Variants in PPFIA1 observed in about 807,000 individuals in gnomAD.
PPFIA1 encodes PPFI scaffold protein A1.
In PPFIA1, 25 loss-of-function variants were observed where a neutral mutation model predicts 149.9. That is an observed-to-expected ratio of 0.17 (90% CI 0.12 to 0.23). The LOEUF (loss-of-function observed/expected upper bound fraction) is 0.23, where lower values mean the gene tolerates loss of function less well. PPFIA1 is among the 10% of genes least tolerant of loss of function. The probability of loss-of-function intolerance (pLI) is 1.00; values close to 1 mark genes in which losing one functional copy is unlikely to be tolerated. For missense variants in PPFIA1, 1,362 were observed against 1,506.5 expected (o/e 0.90, Z 1.59); for synonymous variants, 549 against 552.8 (o/e 0.99, Z 0.10).
chr11:70,372,377 G>T lies in PPFIA1; in HGVS notation c.3028G>T (p.Asp1010Tyr). 1.2e-6 allele frequency: 2 copies of T among 1,614,136 alleles called. No homozygotes were observed. Among genetic ancestry groups the T allele is most frequent in the African/African-American group, 1.3e-5 (1 of 75,034 alleles). Residue 1010 changes from aspartate (D) to tyrosine (Y), a missense_variant, in exon 22 of 28, where the codon GAC becomes TAC. Coordinates refer to ENST00000253925, the MANE Select transcript of PPFIA1 (RefSeq NM_003626.5). ...KDLRGQLKMV[D>Y]SFHRNSFQCG... ...CCTTCGAGGGCAGCTGAAAATGGTC[G>T]ACAGTTTTCACAGGTAACTTAATGG...
intron 26 of PPFIA1, chr11:70,381,240 G>A (rs529662502): frequency 6.6e-6 from 1 of 152,224 alleles, no homozygotes; most frequent in Non-Finnish European, 1.5e-5. Context: ...GTCTTTGCTG[G>A]AACCATGCAG....
At chr11:70,375,123 C>G (rs752934214) in intron 24 of PPFIA1, 30 bp downstream of exon 24, 1 of 1,369,982 alleles carries the variant, frequency 7.3e-7, no homozygotes, top group Non-Finnish European at 9.6e-7. Context: ...TGTCTGCACT[C>G]ATTGTTCAGT....
rs1314192373 is a variant in PPFIA1 at position 70,302,740 on chromosome 11, TA to T, written c.265-21659del. Among the ~76,000 whole-genome samples the T allele has an allele frequency of 2.6e-5, 4 of 152,042 alleles. No homozygotes were observed. The East Asian group carries it at 7.7e-4, about 29-fold the overall frequency. ...CAGCAGAATATCAGGAATGTAAATG[TA>T]AATGTAGCCGTAGATACTCTCAACA... On this transcript the variant is annotated intron_variant, in intron 2 of 27. Coordinates refer to ENST00000253925, the MANE Select transcript of PPFIA1 (RefSeq NM_003626.5).
intron 16 of PPFIA1, among the ~76,000 whole-genome samples, chr11:70,349,491 T>G (rs2137245657): frequency 6.6e-6 from 1 of 152,288 alleles, no homozygotes; most frequent in African/African-American, 2.4e-5. Context: ...CAAACTATCT[T>G]GTATATTTAG....
intron 19 of PPFIA1, chr11:70,358,630 C>T: frequency 6.6e-6 from 1 of 152,230 alleles, no homozygotes; most frequent in Non-Finnish European, 1.5e-5. Flanking sequence ...GTATATTTCT[C>T]AGAATTATTT....
At chr11:70,331,910 G>T in intron 8 of PPFIA1, 50 bp from the exon 9 acceptor site, 1 of 1,565,020 alleles carries the variant, frequency 6.4e-7, no homozygotes, top group South Asian at 1.2e-5. Flanking sequence ...GTTAAAAACT[G>T]ATCAGCTAGA....
At chr11:70,296,987 T>G (rs1434218204) in intron 2 of PPFIA1, among the ~76,000 whole-genome samples, 2 of 152,128 alleles carry the variant, frequency 1.3e-5, no homozygotes, top group Non-Finnish European at 2.9e-5. Context: ...AGCCTGGTAT[T>G]TAATAAGCAT....
intron 23 of PPFIA1, chr11:70,373,976 ATCTTTGGAAGTG>A (rs1262631514): frequency 2.6e-5 from 4 of 152,228 alleles, no homozygotes; most frequent in Non-Finnish European, 4.4e-5. Flanking sequence ...ATAGACAAAG[ATCTTTGGAAGTG>A]TCTTTGGAAG....
intron 2 of PPFIA1, among the ~76,000 whole-genome samples, chr11:70,308,950 G>T (rs2053071631): frequency 6.6e-6 from 1 of 152,022 alleles, no homozygotes; most frequent in Non-Finnish European, 1.5e-5. Context: ...AGAATAAAAA[G>T]GTGATTGTAG....
intron 2 of PPFIA1, among the ~76,000 whole-genome samples, chr11:70,305,723 A>G (rs2052804086): frequency 6.6e-6 from 1 of 152,150 alleles, no homozygotes; most frequent in African/African-American, 2.4e-5. Context: ...ACAGTTGACT[A>G]ATTTACATTC....
intron 2 of PPFIA1, among the ~76,000 whole-genome samples, chr11:70,317,688 C>T (rs148359539): frequency 6.7e-4 from 102 of 152,170 alleles, no homozygotes; most frequent in African/African-American, 2.1e-3. Flanking sequence ...AGAGTGACAG[C>T]GTGCTGGGGG....
chr11:70,287,627 C>A (rs12272372), intron 2 of PPFIA1, among the ~76,000 whole-genome samples: 1 of 151,470 alleles, frequency 6.6e-6, no homozygotes, highest in Non-Finnish European at 1.5e-5. Context: ...CTACACCCGG[C>A]CTTTTTTTTT....
chr11:70,296,605 A>G (rs896819908), intron 2 of PPFIA1, among the ~76,000 whole-genome samples: 1 of 151,650 alleles, frequency 6.6e-6, no homozygotes, highest in African/African-American at 2.4e-5. Context: ...TCAGGCAGGG[A>G]GGTTGCAGTG....
chr11:70,329,144 C>T (rs1245169421), intron 7 of PPFIA1, among the ~76,000 whole-genome samples: 1 of 152,212 alleles, frequency 6.6e-6, no homozygotes, highest in Non-Finnish European at 1.5e-5. Context: ...ACTGTGTCCA[C>T]TGAGAGAGGC....
intron 7 of PPFIA1, among the ~76,000 whole-genome samples, chr11:70,329,598 CA>C (rs1478058294): frequency 2.0e-5 from 3 of 152,284 alleles, no homozygotes; most frequent in African/African-American, 7.2e-5. Context: ...AGGGGCGTGC[CA>C]CCATGCGTGG....
intron 2 of PPFIA1, among the ~76,000 whole-genome samples, chr11:70,286,293 C>T (rs2051116937): frequency 6.6e-6 from 1 of 152,124 alleles, no homozygotes; most frequent in African/African-American, 2.4e-5. Flanking sequence ...GTCCTGTTGC[C>T]CAGGCTGGAG....
chr11:70,290,072 T>TA lies in PPFIA1; in HGVS notation c.264+17644dup, dbSNP rs200998603. 3.2e-3 allele frequency among the ~76,000 whole-genome samples: 489 copies of TA among 151,572 alleles called. 3 individuals are homozygous for TA. Among genetic ancestry groups the TA allele is most frequent in the African/African-American group, 0.011 (467 of 41,308 alleles). ...GGTGAAACCCCATCTCTACAAAAAA[T>TA]AAAAAAAATTAGCCAGGCTTGGTGG... On this transcript the variant is annotated intron_variant, in intron 2 of 27. Transcript: ENST00000253925.
intron 24 of PPFIA1, among the ~76,000 whole-genome samples, 167 bp from the exon 25 acceptor site, chr11:70,376,365 G>A (rs2057490859): frequency 6.6e-6 from 1 of 152,098 alleles, no homozygotes; most frequent in South Asian, 2.1e-4. Flanking sequence ...GACCTCAGGT[G>A]GTCTGTCCGC....
chr11:70,319,625 C>A (rs75794554), intron 2 of PPFIA1, among the ~76,000 whole-genome samples: 3,418 of 152,270 alleles, frequency 0.022, 40 homozygotes, highest in African/African-American at 0.033. Context: ...CTGACTGAGA[C>A]TTTACCAGTT....
Sources: gnomAD v4.1 joint callset for allele counts (sites outside exome capture counted in the v4.1 genomes callset) on GRCh38, gnomAD v4.1.1 for gene constraint, MANE v1.5 for transcripts, NCBI Gene and HGNC (gene_info 2026-07-23, HGNC 2026-07-21) for gene names.